The following KHDRBS2 variants were observed in gnomAD, a reference collection of about 807,000 sequenced individuals.
KHDRBS2 encodes KH RNA binding domain containing, signal transduction associated 2.
Under a neutral mutation model 44.3 loss-of-function variants are expected in KHDRBS2, and 26 were observed. The ratio of observed to expected loss-of-function variants is 0.59; its 90% CI spans 0.43 to 0.81. KHDRBS2 has a LOEUF of 0.81. Ranked by LOEUF, KHDRBS2 falls within the 40% of genes least tolerant of loss-of-function variation. The pLI is 0.00. For synonymous variants in KHDRBS2, 194 were observed against 151.1 expected (o/e 1.28, Z -2.08); for missense variants, 476 against 433.1 (o/e 1.10, Z -0.88).
chr6:61,728,259 G>A (rs1483604861), intron 7 of KHDRBS2, among the ~76,000 whole-genome samples: 2 of 151,884 alleles, frequency 1.3e-5, no homozygotes, highest in African/African-American at 4.8e-5. Flanking sequence ...GGACACACAG[G>A]GGGAGCAAGA....
At chr6:61,893,222 T>G (rs186796925) in intron 6 of KHDRBS2, among the ~76,000 whole-genome samples, 36 of 152,320 alleles carry the variant, frequency 2.4e-4, no homozygotes, top group Admixed American at 2.3e-3. Flanking sequence ...CCAGTTAGAA[T>G]GGCAATCATT....
chr6:61,756,357 A>G (rs1256579300), intron 6 of KHDRBS2, among the ~76,000 whole-genome samples: 1 of 151,932 alleles, frequency 6.6e-6, no homozygotes, highest in Non-Finnish European at 1.5e-5. Flanking sequence ...CCCAGGTTCA[A>G]TCAATCGATT....
intron 6 of KHDRBS2, among the ~76,000 whole-genome samples, chr6:61,821,903 A>G (rs1446627095): frequency 1.3e-5 from 2 of 151,994 alleles, no homozygotes; most frequent in African/African-American, 4.8e-5. Context: ...ACTAGTATGC[A>G]CACTCCAGAT....
intron 1 of KHDRBS2, among the ~76,000 whole-genome samples, chr6:62,282,111 A>C (rs1337976075): frequency 6.6e-6 from 1 of 152,190 alleles, no homozygotes; most frequent in Admixed American, 6.5e-5. Flanking sequence ...TAATTAAAAA[A>C]CTTATCAAGC....
chr6:62,010,292 C>A (rs1355888328), intron 3 of KHDRBS2, among the ~76,000 whole-genome samples: 26 of 152,140 alleles, frequency 1.7e-4, no homozygotes, highest in Admixed American at 1.7e-3. Flanking sequence ...TGGCCAATTT[C>A]TCCCATTTGG....
intron 1 of KHDRBS2, among the ~76,000 whole-genome samples, chr6:62,205,733 C>G (rs1271108687): frequency 6.6e-6 from 1 of 152,070 alleles, no homozygotes; most frequent in Non-Finnish European, 1.5e-5. Flanking sequence ...TTCCTCCTCC[C>G]ATGCCTCAAA....
intron 4 of KHDRBS2, among the ~76,000 whole-genome samples, chr6:61,967,871 C>G (rs1222159282): frequency 6.9e-6 from 1 of 144,130 alleles, no homozygotes; most frequent in African/African-American, 2.5e-5. Flanking sequence ...CACACATACA[C>G]ACACATACAC....
intron 6 of KHDRBS2, among the ~76,000 whole-genome samples, chr6:61,860,216 C>A (rs1354962846): frequency 6.6e-6 from 1 of 151,882 alleles, no homozygotes; most frequent in Non-Finnish European, 1.5e-5. Context: ...TAAAAGCAAC[C>A]AGAGACACAA....
the KHDRBS2 span, among the ~76,000 whole-genome samples, chr6:61,567,008 T>G: frequency 6.6e-6 from 1 of 152,214 alleles, no homozygotes; most frequent in African/African-American, 2.4e-5. Context: ...AATGAGCTAA[T>G]GGGACATTAC....
the KHDRBS2 span, among the ~76,000 whole-genome samples, chr6:61,573,504 G>T: frequency 6.6e-6 from 1 of 151,972 alleles, no homozygotes; most frequent in South Asian, 2.1e-4. Flanking sequence ...CCATAAAAGA[G>T]CCAAGCTGGG....
intron 4 of KHDRBS2, among the ~76,000 whole-genome samples, chr6:61,944,284 A>T (rs1200229743): frequency 3.3e-5 from 5 of 152,214 alleles, no homozygotes; most frequent in Non-Finnish European, 5.9e-5. Flanking sequence ...ACAGACGGAT[A>T]AAGAAAATGT....
intron 3 of KHDRBS2, among the ~76,000 whole-genome samples, chr6:62,023,063 G>A (rs558325604): frequency 1.3e-5 from 2 of 151,470 alleles, no homozygotes; most frequent in African/African-American, 2.4e-5. Context: ...AGCTTAGAAC[G>A]TGAAAAAGAA....
the KHDRBS2 span, among the ~76,000 whole-genome samples, chr6:61,544,190 A>G: frequency 1.3e-5 from 2 of 152,112 alleles, no homozygotes; most frequent in African/African-American, 4.8e-5. Flanking sequence ...TATGCATTGT[A>G]TGCCTGTATC....
At chr6:62,048,082 C>T (rs9346001) in intron 2 of KHDRBS2, 88 bp from the exon 3 acceptor site, 665,584 of 781,756 alleles carry the variant, frequency 0.85, 283,967 homozygotes, top group Admixed American at 0.88. Context: ...TATAGGTTTT[C>T]CAAACTTTAC....
intron 6 of KHDRBS2, among the ~76,000 whole-genome samples, chr6:61,824,804 G>C (rs551803650): frequency 6.6e-6 from 1 of 152,160 alleles, no homozygotes; most frequent in South Asian, 2.1e-4. Context: ...TTGATTGTCT[G>C]CAAATACCTG....
chr6:61,724,165 T>C (rs1400057641), intron 7 of KHDRBS2, among the ~76,000 whole-genome samples: 2 of 152,124 alleles, frequency 1.3e-5, no homozygotes, highest in Non-Finnish European at 2.9e-5. Context: ...CAATATTCAA[T>C]ATTGTTAAAG....
chr6:61,735,646 C>T (rs76768422), intron 6 of KHDRBS2, among the ~76,000 whole-genome samples: 1 of 152,016 alleles, frequency 6.6e-6, no homozygotes, highest in Non-Finnish European at 1.5e-5. Context: ...TTTTGTACAC[C>T]ATTCCACATT....
chr6:62,204,095 A>G (rs953068718), intron 1 of KHDRBS2, among the ~76,000 whole-genome samples: 2 of 152,172 alleles, frequency 1.3e-5, no homozygotes, highest in Admixed American at 1.3e-4. Flanking sequence ...CCAGAAGCAG[A>G]TGCTGGTGTC....
chr6:61,927,348 C>G (rs1203397859), intron 4 of KHDRBS2, among the ~76,000 whole-genome samples: 1 of 152,006 alleles, frequency 6.6e-6, no homozygotes, highest in Non-Finnish European at 1.5e-5. Flanking sequence ...TATTTTTACT[C>G]TCAAGCAGCA....
Sources: allele counts gnomAD v4.1 joint callset (sites outside exome capture counted in the v4.1 genomes callset), GRCh38; gene constraint gnomAD v4.1.1; transcripts MANE v1.5; gene names NCBI Gene and HGNC (gene_info 2026-07-23, HGNC 2026-07-21).